The following NREP variants were observed in gnomAD, a reference collection of about 807,000 sequenced individuals.
The protein encoded by NREP is neuronal regeneration related protein.
In NREP, 5 loss-of-function variants were observed where a neutral mutation model predicts 8.6. The ratio of observed to expected loss-of-function variants is 0.58; its 90% confidence interval spans 0.30 to 1.22. NREP has a LOEUF of 1.22. Ranked by LOEUF, NREP falls within the 50% of genes most tolerant of loss-of-function variation. The pLI is 0.07. For synonymous variants in NREP, 27 were observed against 28.0 expected, an observed-to-expected ratio of 0.96 and a Z score of 0.11; for missense variants, 86 against 82.5, an observed-to-expected ratio of 1.04 and a Z score of -0.17.
At chr5:111,887,094 T>C (rs2112527160) in intron 2 of NREP, among the ~76,000 whole-genome samples, 1 of 152,216 alleles carries the variant, frequency 6.6e-6, no homozygotes, top group East Asian at 1.9e-4. Context: ...CAGCTACCTA[T>C]TAAATTTTTT....
intron 2 of NREP, among the ~76,000 whole-genome samples, chr5:111,858,145 T>C (rs1753466287): frequency 6.6e-6 from 1 of 152,094 alleles, no homozygotes; most frequent in African/African-American, 2.4e-5. Context: ...CATTTTTATG[T>C]ATTACACCAG....
intron 2 of NREP, among the ~76,000 whole-genome samples, chr5:111,803,050 G>T (rs2112906008): frequency 6.6e-6 from 1 of 152,300 alleles, no homozygotes; most frequent in Middle Eastern, 3.4e-3. Flanking sequence ...TGGGATTTCA[G>T]AAAAGAGAAT....
At chr5:111,844,631 T>C (rs1367229557) in intron 2 of NREP, among the ~76,000 whole-genome samples, 2 of 147,842 alleles carry the variant, frequency 1.4e-5, no homozygotes, top group Non-Finnish European at 3.0e-5. Context: ...TTAGTTGATA[T>C]ACATTATATA....
intron 2 of NREP, among the ~76,000 whole-genome samples, chr5:111,836,247 C>T (rs1347145503): frequency 6.6e-6 from 1 of 152,038 alleles, no homozygotes; most frequent in Non-Finnish European, 1.5e-5. Context: ...TTAAACACTG[C>T]CCCTCAAAAC....
chr5:111,731,617 G>A (rs1047943624), intron 3 of NREP, among the ~76,000 whole-genome samples: 2 of 152,168 alleles, frequency 1.3e-5, no homozygotes, highest in African/African-American at 4.8e-5. Flanking sequence ...CTGTCTGGGA[G>A]AGAAATGATG....
At chr5:111,804,699 G>GA (rs58906379) in intron 2 of NREP, among the ~76,000 whole-genome samples, 2,293 of 146,984 alleles carry the variant, frequency 0.016, 47 homozygotes, top group African/African-American at 0.041. Context: ...GAGAATAAGA[G>GA]AAAAAAAAAA....
chr5:111,768,057 CCTT>C (rs1416420116), intron 2 of NREP, among the ~76,000 whole-genome samples: 1 of 152,152 alleles, frequency 6.6e-6, no homozygotes, highest in Non-Finnish European at 1.5e-5. Flanking sequence ...ACAAGGATGT[CCTT>C]CTGTCAAAAT....
chr5:111,813,502 A>T (rs1228371473), intron 2 of NREP, among the ~76,000 whole-genome samples: 1 of 152,044 alleles, frequency 6.6e-6, no homozygotes, highest in Non-Finnish European at 1.5e-5. Context: ...ATATTCCAAC[A>T]TGTCTTTTCC....
upstream of NREP, among the ~76,000 whole-genome samples, chr5:111,758,709 AT>A (rs1561654802): frequency 6.6e-6 from 1 of 152,242 alleles, no homozygotes; most frequent in Non-Finnish European, 1.5e-5. Context: ...ACAAAACTCA[AT>A]TTTTAAACGT....
intron 2 of NREP, among the ~76,000 whole-genome samples, chr5:111,782,950 C>A (rs1418115983): frequency 6.6e-6 from 1 of 152,112 alleles, no homozygotes; most frequent in Admixed American, 6.6e-5. Context: ...CCAGGCTGGT[C>A]TCAAACTCCT....
chr5:111,782,025 G>C (rs1581113551), intron 2 of NREP, among the ~76,000 whole-genome samples: 1 of 152,138 alleles, frequency 6.6e-6, no homozygotes. Context: ...GATTTACAGA[G>C]AAAATGTATG....
In NREP at chr5:111,755,754, G is replaced by T. The variant is rs768349395; in HGVS notation, c.3+16C>A. ...GTAAGAAGTACTGAGAATCTCCTCT[G>T]ATGACCAAGTCTTACCATTTTGAGA... On this transcript the variant is annotated intron_variant, in intron 2 of 3. Coordinates refer to ENST00000257435, the MANE Select transcript of NREP (RefSeq NM_004772.4). 6 of 1,613,348 alleles carry T rather than the reference G, an allele frequency of 3.7e-6. No individual in the cohort carries two copies.
At chr5:111,882,200 C>T (rs183568195) in intron 2 of NREP, among the ~76,000 whole-genome samples, 2,930 of 151,916 alleles carry the variant, frequency 0.019, 47 homozygotes, top group Non-Finnish European at 0.027. Context: ...CCTCAGGAGC[C>T]GATGTGATCA....
At chr5:111,837,716 A>G (rs1373667791) in intron 2 of NREP, among the ~76,000 whole-genome samples, 1 of 152,082 alleles carries the variant, frequency 6.6e-6, no homozygotes, top group Non-Finnish European at 1.5e-5. Flanking sequence ...GAAATGATTC[A>G]GGAAAGAATT....
chr5:111,955,482 CAAAAAACAAAAAACAAAAAAA>C (rs1157182370), intron 2 of NREP, among the ~76,000 whole-genome samples: 4 of 85,624 alleles, frequency 4.7e-5, no homozygotes, highest in Non-Finnish European at 8.5e-5. Flanking sequence ...AAAAAAAAAA[CAAAAAACAAAAAACAAAAAAA>C]AAAAACACAT....
chr5:111,837,417 T>C (rs566197969), intron 2 of NREP, among the ~76,000 whole-genome samples: 2 of 152,140 alleles, frequency 1.3e-5, no homozygotes, highest in South Asian at 2.1e-4. Context: ...ATGGTTGAAA[T>C]TGATTGAAAG....
intron 2 of NREP, among the ~76,000 whole-genome samples, chr5:111,904,116 T>C (rs1478252587): frequency 1.3e-5 from 2 of 152,154 alleles, no homozygotes; most frequent in Non-Finnish European, 2.9e-5. Flanking sequence ...ATAATTCCCA[T>C]ATACTCCCTC....
intron 2 of NREP, among the ~76,000 whole-genome samples, chr5:111,886,371 G>C (rs1267072386): frequency 1.3e-5 from 2 of 151,698 alleles, no homozygotes; most frequent in South Asian, 2.1e-4. Context: ...TACACTGTTG[G>C]TGGGACTGTA....
At chr5:111,954,871 A>C (rs1756264345) in intron 2 of NREP, among the ~76,000 whole-genome samples, 1 of 152,184 alleles carries the variant, frequency 6.6e-6, no homozygotes, top group South Asian at 2.1e-4. Flanking sequence ...TGCTCTTTCA[A>C]TGAAGATCAG....
Sources: allele counts gnomAD v4.1 joint callset (sites outside exome capture counted in the v4.1 genomes callset), GRCh38; gene constraint gnomAD v4.1.1; transcripts MANE v1.5; gene names NCBI Gene and HGNC (gene_info 2026-07-23, HGNC 2026-07-21).